CLOCK: variants seen among roughly 807,000 people sequenced by gnomAD.
CLOCK encodes the protein clock circadian regulator, also known as circadian locomoter output cycles protein kaput.
In CLOCK, 43 loss-of-function variants were observed where a neutral mutation model predicts 118.4. The ratio of observed to expected loss-of-function variants is 0.36; its 90% CI spans 0.28 to 0.47. CLOCK has a LOEUF of 0.47. CLOCK is among the 20% of genes least tolerant of loss of function. The pLI is 1.00. For synonymous variants in CLOCK, 326 were observed against 339.2 expected (o/e 0.96, Z 0.43); for missense variants, 846 against 999.9 (o/e 0.85, Z 2.08).
intron 18 of CLOCK, among the ~76,000 whole-genome samples, chr4:55,446,497 C>G (rs1723864033): frequency 6.6e-6 from 1 of 152,206 alleles, no homozygotes; most frequent in Non-Finnish European, 1.5e-5. Flanking sequence ...TTGCAAAAAT[C>G]TGACAGATAA....
chr4:55,478,691 T>A (rs1726708521), intron 6 of CLOCK, 124 bp downstream of exon 6: 1 of 955,224 alleles, frequency 1.0e-6, no homozygotes, highest in Non-Finnish European at 1.6e-6. Context: ...TAGGAAACCT[T>A]TTAAAATGCA....
intron 17 of CLOCK, 34 bp downstream of exon 17, chr4:55,449,362 C>G: frequency 6.5e-7 from 1 of 1,533,562 alleles, no homozygotes; most frequent in Admixed American, 1.7e-5. Flanking sequence ...CTTAATAAAT[C>G]TTTATTCAGA....
chr4:55,544,480 G>C (rs2110131793), intron 1 of CLOCK, among the ~76,000 whole-genome samples: 1 of 152,164 alleles, frequency 6.6e-6, no homozygotes, highest in South Asian at 2.1e-4. Context: ...ATTTTAGCAA[G>C]GCAAGATATA....
chr4:55,467,341 C>T (rs2109840032), intron 8 of CLOCK, among the ~76,000 whole-genome samples: 1 of 152,274 alleles, frequency 6.6e-6, no homozygotes, highest in African/African-American at 2.4e-5. Flanking sequence ...AACTAGCTAG[C>T]TCCTCTGGAT....
intron 19 of CLOCK, among the ~76,000 whole-genome samples, chr4:55,444,278 T>C (rs372109360): frequency 2.4e-4 from 37 of 152,340 alleles, no homozygotes; most frequent in African/African-American, 8.7e-4. Flanking sequence ...TCATACATAC[T>C]GGTATCTTAA....
At position 55,435,334 on chromosome 4, in the gene CLOCK, C is replaced by T. The variant is rs1722793941; in HGVS notation, c.*81G>A. On this transcript the variant is annotated 3_prime_UTR_variant, in exon 23 of 23. Coordinates refer to ENST00000513440, the MANE Select transcript of CLOCK (RefSeq NM_004898.4). ...ATCTCATGAAACTGCTGGAACTTTC[C>T]CTCCTTTCCTCAGGTCATCTGAGTA... 1 of 1,534,152 alleles carries T rather than the reference C, an allele frequency of 6.5e-7. No homozygotes were observed. Among genetic ancestry groups the T allele is most frequent in the Non-Finnish European group, 9.0e-7 (1 of 1,109,970 alleles).
chr4:55,435,496 T>C lies in CLOCK; in HGVS notation c.2460A>G (p.Gln820=), dbSNP rs192938463. The change falls in exon 23 of 23, where the codon CAA becomes CAG. Residue 820 remains glutamine (Q), a synonymous_variant. Transcript: ENST00000513440. ...QSTFPQSHHQ[Q]HQSQQQQQLS... The stretch of plus-strand genomic sequence containing the variant: ...GTTGCTGCTGTTGCTGAGACTGATG[T>C]TGCTGGTGATGTGACTGAGGGAAGG... 6.4e-5 allele frequency: 103 copies of C among 1,613,950 alleles called. 1 individual carries two copies. In the East Asian group the frequency reaches 2.3e-3, roughly 36 times the overall value.
intron 1 of CLOCK, among the ~76,000 whole-genome samples, chr4:55,533,856 TCATGC>T (rs1475681316): frequency 6.6e-6 from 1 of 152,146 alleles, no homozygotes; most frequent in Non-Finnish European, 1.5e-5. Flanking sequence ...TAATCCAAGA[TCATGC>T]CACTACACTC....
intron 18 of CLOCK, among the ~76,000 whole-genome samples, chr4:55,446,588 G>C (rs1034773090): frequency 1.3e-5 from 2 of 152,134 alleles, no homozygotes; most frequent in Non-Finnish European, 2.9e-5. Context: ...GACTAGGCAA[G>C]TATGAATGAA....
intron 1 of CLOCK, among the ~76,000 whole-genome samples, chr4:55,525,656 C>T (rs578248254): frequency 6.6e-5 from 10 of 151,774 alleles, no homozygotes; most frequent in Non-Finnish European, 1.5e-4. Flanking sequence ...TTTTAGTAGA[C>T]ACGGGGTTTC....
At chr4:55,475,290 T>C (rs1375050793) in intron 7 of CLOCK, among the ~76,000 whole-genome samples, 1 of 152,228 alleles carries the variant, frequency 6.6e-6, no homozygotes, top group Non-Finnish European at 1.5e-5. Context: ...ATTGCTGCAA[T>C]CTGCTAATAA....
At chr4:55,532,120 C>A (rs1304736256) in intron 1 of CLOCK, among the ~76,000 whole-genome samples, 2 of 152,088 alleles carry the variant, frequency 1.3e-5, no homozygotes, top group African/African-American at 2.4e-5. Context: ...AAATTCAACA[C>A]CCTTCCATGA....
intron 1 of CLOCK, among the ~76,000 whole-genome samples, chr4:55,545,052 C>CTTT (rs34291520): frequency 1.4e-5 from 2 of 144,634 alleles, no homozygotes; most frequent in Non-Finnish European, 3.0e-5. Flanking sequence ...TTCAGGCTAA[C>CTTT]TTTTTTTTTT....
intron 11 of CLOCK, among the ~76,000 whole-genome samples, chr4:55,458,026 G>A (rs1183483731): frequency 6.6e-6 from 1 of 152,100 alleles, no homozygotes; most frequent in Admixed American, 6.5e-5. Context: ...AGCAAGACTG[G>A]CTTAAGATCT....
chr4:55,437,674 C>A (rs150288378), intron 22 of CLOCK, among the ~76,000 whole-genome samples: 1 of 152,184 alleles, frequency 6.6e-6, no homozygotes, highest in Non-Finnish European at 1.5e-5. Flanking sequence ...CCACTTTACA[C>A]GTGACGTTTA....
At chr4:55,532,049 C>T (rs1176474753) in intron 1 of CLOCK, among the ~76,000 whole-genome samples, 2 of 152,060 alleles carry the variant, frequency 1.3e-5, no homozygotes, top group South Asian at 2.1e-4. Context: ...TAATATACCA[C>T]ATTAATAAAA....
At chr4:55,483,878 A>T (rs566958549) in intron 3 of CLOCK, among the ~76,000 whole-genome samples, 3 of 152,220 alleles carry the variant, frequency 2.0e-5, no homozygotes, top group Non-Finnish European at 4.4e-5. Flanking sequence ...GCTGGATCAC[A>T]AGCCTAAAAT....
intron 22 of CLOCK, among the ~76,000 whole-genome samples, 200 bp from the exon 23 acceptor site, chr4:55,435,794 T>C (rs1398642472): frequency 6.6e-6 from 1 of 152,108 alleles, no homozygotes; most frequent in Non-Finnish European, 1.5e-5. Flanking sequence ...TATGAGAGAG[T>C]TTCATTTTTT....
intron 2 of CLOCK, among the ~76,000 whole-genome samples, chr4:55,499,352 C>T (rs766900864): frequency 4.6e-5 from 7 of 152,218 alleles, no homozygotes; most frequent in Non-Finnish European, 1.0e-4. Flanking sequence ...TGGTTTCATG[C>T]AATACAATTT....
Sources: gnomAD v4.1 joint callset for allele counts (sites outside exome capture counted in the v4.1 genomes callset) on GRCh38, gnomAD v4.1.1 for gene constraint, MANE v1.5 for transcripts, NCBI Gene and HGNC (gene_info 2026-07-23, HGNC 2026-07-21) for gene names.